DCLRE1C: variants seen among roughly 807,000 people sequenced by gnomAD.
DCLRE1C encodes the protein DNA cross-link repair 1C, also known as protein artemis.
In DCLRE1C, 47 loss-of-function variants were observed where a neutral mutation model predicts 61.4. That is an observed-to-expected ratio of 0.77 (90% CI 0.61 to 0.98). The LOEUF is 0.98. Among genes scored for constraint, DCLRE1C ranks in the 50% least tolerant of loss-of-function variants. The pLI is 0.00. For missense variants in DCLRE1C, 858 were observed against 816.0 expected, an observed-to-expected ratio of 1.05 and a Z score of -0.63; for synonymous variants, 337 against 287.6, an observed-to-expected ratio of 1.17 and a Z score of -1.74.
chr10:14,940,521 C>T (rs1346248837), intron 3 of DCLRE1C, among the ~76,000 whole-genome samples: 1 of 152,030 alleles, frequency 6.6e-6, no homozygotes, highest in Non-Finnish European at 1.5e-5. Flanking sequence ...CAACTCCTAA[C>T]CTCAGGATCA....
intron 3 of DCLRE1C, among the ~76,000 whole-genome samples, chr10:14,943,902 A>T (rs1341205820): frequency 7.9e-5 from 12 of 152,190 alleles, no homozygotes; most frequent in Non-Finnish European, 1.5e-5. Flanking sequence ...CCAAAGGTAC[A>T]ATTAAATCCT....
intron 11 of DCLRE1C, chr10:14,923,484 A>G (rs1240599704): frequency 8.6e-6 from 2 of 231,738 alleles, no homozygotes; most frequent in African/African-American, 2.3e-5. Flanking sequence ...ATTAACTATA[A>G]TATACACAAA....
At chr10:14,928,946 C>T (rs1164990745) in intron 9 of DCLRE1C, among the ~76,000 whole-genome samples, 1 of 152,050 alleles carries the variant, frequency 6.6e-6, no homozygotes, top group Non-Finnish European at 1.5e-5. Context: ...CCACACCCAG[C>T]TAAATTTTCT....
In DCLRE1C at chr10:14,905,765, A is replaced by T. The variant is rs529502349; in HGVS notation, c.*2643T>A. On this transcript the variant is annotated 3_prime_UTR_variant, in exon 14 of 14. Coordinates refer to ENST00000378278, the MANE Select transcript of DCLRE1C (RefSeq NM_001033855.3). ...TTTGGGAGGCCGAGGCGAGTGGATC[A>T]CCAGAGGTCAGGAGTTCAAGACCAG... Among the ~76,000 whole-genome samples, 1 of 152,306 alleles carries T rather than the reference A, an allele frequency of 6.6e-6. No individual in the cohort carries two copies. Among genetic ancestry groups the T allele is most frequent in the Middle Eastern group, 3.4e-3 (1 of 294 alleles).
downstream of DCLRE1C, among the ~76,000 whole-genome samples, chr10:14,899,869 G>C (rs1464810543): frequency 2.6e-5 from 4 of 152,206 alleles, no homozygotes; most frequent in Non-Finnish European, 2.9e-5. Context: ...ATTAAACATT[G>C]AGGTGCCTAC....
intron 6 of DCLRE1C, 95 bp downstream of exon 6, chr10:14,935,368 A>G: frequency 7.4e-7 from 1 of 1,356,356 alleles, no homozygotes; most frequent in South Asian, 1.2e-5. Context: ...TGGGAGGCTG[A>G]GGCAGGAGAA....
At chr10:14,900,390 T>C (rs941888409), downstream of DCLRE1C, among the ~76,000 whole-genome samples, 2 of 152,228 alleles carry the variant, frequency 1.3e-5, no homozygotes, top group Non-Finnish European at 1.5e-5. Context: ...CACAAAGTTA[T>C]ATAGCTGAAC....
rs60410513 is a variant in DCLRE1C at position 14,907,857 on chromosome 10, C to CTTTTTTTTT, written c.*542_*550dup. ...GGGTTTAGTTCTACCATTTTTTTTT[C>CTTTTTTTTT]TTTTTTTTTTTTTTTTTTTTTGAGA... On this transcript the variant is annotated 3_prime_UTR_variant, in exon 14 of 14. Transcript: ENST00000378278. 11 of 71,948 alleles carry CTTTTTTTTT rather than the reference C, an allele frequency of 1.5e-4. No homozygotes were observed. The highest frequency in any genetic ancestry group is 4.9e-4 in the South Asian group (1 of 2,026). 4.5% of individuals were successfully genotyped at this position (71,948 alleles called of 1,614,324 possible).
intron 13 of DCLRE1C, chr10:14,899,536 T>G: frequency 6.2e-7 from 1 of 1,613,606 alleles, no homozygotes; most frequent in Non-Finnish European, 8.5e-7. Context: ...TTTTTCTGTT[T>G]AGGTAATCAC....
intron 2 of DCLRE1C, among the ~76,000 whole-genome samples, chr10:14,948,501 T>C (rs539736521): frequency 6.6e-6 from 1 of 152,148 alleles, no homozygotes; most frequent in Non-Finnish European, 1.5e-5. Context: ...AGAAATAACA[T>C]GGAGTGAGTT....
intron 11 of DCLRE1C, among the ~76,000 whole-genome samples, chr10:14,925,407 C>T (rs895135929): frequency 4.6e-5 from 7 of 152,032 alleles, no homozygotes; most frequent in Admixed American, 1.3e-4. Flanking sequence ...GCATCAATAG[C>T]GCCAATTCTC....
Position 14,907,548 on chromosome 10 carries a change from T to G in DCLRE1C, c.*860A>C, listed in dbSNP as rs557596969. 6.6e-6 allele frequency among the ~76,000 whole-genome samples: 1 copy of G among 152,120 alleles called. No homozygotes were observed. ...TGTAATTGTGCATTAGTTTGTCTCTTTTCAGCTGTTCTAGCTTCATAAATT... is the reference window on the plus strand; with the variant it reads ...TGTAATTGTGCATTAGTTTGTCTCTGTTCAGCTGTTCTAGCTTCATAAATT... On this transcript the variant is annotated 3_prime_UTR_variant, in exon 14 of 14. Coordinates refer to ENST00000378278, the MANE Select transcript of DCLRE1C (RefSeq NM_001033855.3).
chr10:14,954,214 T>A, upstream of DCLRE1C: 1 of 767,944 alleles, frequency 1.3e-6, no homozygotes, highest in Non-Finnish European at 2.1e-6. Context: ...TGCTTGGGTT[T>A]AAATCACCCG....
chr10:14,948,756 T>G (rs1842037721), intron 2 of DCLRE1C, among the ~76,000 whole-genome samples: 1 of 146,428 alleles, frequency 6.8e-6, no homozygotes, highest in African/African-American at 2.7e-5. Flanking sequence ...TTTTAGAGAG[T>G]GTATTTGGTA....
At position 14,907,311 on chromosome 10, in the gene DCLRE1C, A is replaced by C. The variant is rs1368696803; in HGVS notation, c.*1097T>G. The stretch of plus-strand genomic sequence containing the variant: ...TTATCATACTAGATCCAAGTTTGTC[A>C]ATTTAAATCAGGTGTGTTTATGAGC... On this transcript the variant is annotated 3_prime_UTR_variant, in exon 14 of 14. Coordinates refer to ENST00000378278, the MANE Select transcript of DCLRE1C (RefSeq NM_001033855.3). 1.3e-5 allele frequency among the ~76,000 whole-genome samples: 2 copies of C among 150,406 alleles called. No homozygotes were observed. Among genetic ancestry groups the C allele is most frequent in the African/African-American group, 4.9e-5 (2 of 40,732 alleles).
intron 8 of DCLRE1C, among the ~76,000 whole-genome samples, chr10:14,933,413 G>A (rs969376755): frequency 4.6e-5 from 7 of 152,190 alleles, no homozygotes; most frequent in Admixed American, 4.6e-4. Context: ...GAGGCCGGTG[G>A]ATCACTTGAG....
At chr10:14,929,267 G>A (rs1838562837) in intron 9 of DCLRE1C, among the ~76,000 whole-genome samples, 1 of 152,120 alleles carries the variant, frequency 6.6e-6, no homozygotes, top group African/African-American at 2.4e-5. Context: ...AGCCAGGCAT[G>A]GTGGCGCATG....
intron 4 of DCLRE1C, among the ~76,000 whole-genome samples, chr10:14,937,079 T>C (rs529586069): frequency 6.6e-6 from 1 of 152,176 alleles, no homozygotes; most frequent in Non-Finnish European, 1.5e-5. Flanking sequence ...TCCACTCATA[T>C]GAAATATCCG....
chr10:14,949,972 G>A (rs1415961235), intron 1 of DCLRE1C, among the ~76,000 whole-genome samples: 1 of 152,112 alleles, frequency 6.6e-6, no homozygotes, highest in African/African-American at 2.4e-5. Flanking sequence ...TTGAACATGG[G>A]AGGTAGAGGT....
Sources: allele counts gnomAD v4.1 joint callset (sites outside exome capture counted in the v4.1 genomes callset), GRCh38; gene constraint gnomAD v4.1.1; transcripts MANE v1.5; gene names NCBI Gene and HGNC (gene_info 2026-07-23, HGNC 2026-07-21).